Variants in PCYOX1 observed in about 807,000 individuals in gnomAD.
PCYOX1 encodes the protein prenylcysteine oxidase 1, also known as prenylcysteine lyase.
Under a neutral mutation model 46.4 loss-of-function variants are expected in PCYOX1, and 46 were observed. The ratio of observed to expected loss-of-function variants is 0.99; its 90% CI spans 0.78 to 1.27. The LOEUF is 1.27. PCYOX1 is among the 50% of genes most tolerant of loss of function. The pLI, the probability that PCYOX1 is intolerant of heterozygous loss-of-function variation, is 0.00. For missense variants in PCYOX1, 658 were observed against 628.3 expected (o/e 1.05, Z -0.51); for synonymous variants, 220 against 231.8 (o/e 0.95, Z 0.46).
rs946011071 is a variant in PCYOX1, at chr2:70,278,033, A to G, written c.*641A>G. On this transcript the variant is annotated 3_prime_UTR_variant, in exon 6 of 6. Transcript: ENST00000433351. Reference sequence around the variant, plus strand: ...ATACCGGTTTGAAGTACGTGTGCCCATGCCTAAAGCCTTGACTTTCAGAAT... The same window carrying G: ...ATACCGGTTTGAAGTACGTGTGCCCGTGCCTAAAGCCTTGACTTTCAGAAT... The G allele has an allele frequency of 6.6e-6, 1 of 152,206 alleles. No individual in the cohort carries two copies. The highest frequency in any genetic ancestry group is 2.4e-5 in the African/African-American group (1 of 41,464). 9.4% of individuals were successfully genotyped at this position (152,206 alleles called of 1,614,324 possible).
chr2:70,264,569 T>G (rs1025962462), intron 3 of PCYOX1, among the ~76,000 whole-genome samples: 4 of 151,462 alleles, frequency 2.6e-5, no homozygotes, highest in African/African-American at 9.7e-5. Flanking sequence ...TTAATTGATC[T>G]GCCCGCCTTG....
intron 3 of PCYOX1, among the ~76,000 whole-genome samples, chr2:70,261,840 AT>A (rs149904649): frequency 0.082 from 12,456 of 152,154 alleles, 530 homozygotes; most frequent in East Asian, 0.19. Context: ...GTGTATATGA[AT>A]TGAGATAATG....
intron 3 of PCYOX1, among the ~76,000 whole-genome samples, chr2:70,264,573 C>T (rs530535176): frequency 2.0e-5 from 3 of 151,624 alleles, no homozygotes; most frequent in South Asian, 2.1e-4. Context: ...TTGATCTGCC[C>T]GCCTTGGCCT....
At chr2:70,263,619 C>G (rs1573978042) in intron 3 of PCYOX1, among the ~76,000 whole-genome samples, 1 of 151,932 alleles carries the variant, frequency 6.6e-6, no homozygotes, top group East Asian at 1.9e-4. Context: ...AGATCAAGTT[C>G]TGATGGCATC....
rs768454215 is a variant in PCYOX1, at chr2:70,261,198, T to C, written c.320-14T>C. The C allele has an allele frequency of 2.5e-6, 4 of 1,588,202 alleles. No individual in the cohort carries two copies. In the Admixed American group the frequency reaches 5.1e-5, roughly 20 times the overall value. ...TAGACACCACTGACTTAGCTGTGCT[T>C]TATGTTTTTGCAGGTCTCTCTGCTG... On this transcript the variant is annotated splice_polypyrimidine_tract_variant and intron_variant, in intron 2 of 5. Coordinates refer to ENST00000433351, the MANE Select transcript of PCYOX1 (RefSeq NM_016297.4).
upstream of PCYOX1, chr2:70,258,115 G>C (rs776112254): frequency 1.1e-5 from 16 of 1,430,134 alleles, no homozygotes; most frequent in South Asian, 1.5e-4. Flanking sequence ...CCGCGCAGCG[G>C]TGGGAGGACT....
chr2:70,271,624 T>A (rs201173850), intron 3 of PCYOX1, among the ~76,000 whole-genome samples: 9,074 of 151,768 alleles, frequency 0.06, 163 homozygotes, highest in East Asian at 0.17. Context: ...TGCGCAGTAA[T>A]CTTGTCATTA....
At chr2:70,274,301 G>A (rs1573983110) in intron 3 of PCYOX1, among the ~76,000 whole-genome samples, 2 of 149,878 alleles carry the variant, frequency 1.3e-5, no homozygotes, top group South Asian at 4.2e-4. Flanking sequence ...GGGTTGAAGC[G>A]ATTCTCCTGC....
chr2:70,262,730 C>A (rs2104890171), intron 3 of PCYOX1, among the ~76,000 whole-genome samples: 1 of 152,168 alleles, frequency 6.6e-6, no homozygotes, highest in East Asian at 1.9e-4. Context: ...CCGCCTGCCT[C>A]AGCCTCCCAA....
intron 3 of PCYOX1, 137 bp from the exon 4 acceptor site, chr2:70,274,822 C>T: frequency 1.5e-6 from 1 of 651,868 alleles, no homozygotes; most frequent in Non-Finnish European, 2.8e-6. Context: ...CCTCTGCCTC[C>T]CAAAGTGTGG....
In PCYOX1 at chr2:70,267,915, A is replaced by G. The variant is rs111839591; in HGVS notation, c.494+6529A>G. ...CAGCCTCCGCCTCCTGGGTTCAAGC[A>G]GTTCTCTGCCTCAGCCTCCCGAGTA... On this transcript the variant is annotated intron_variant, in intron 3 of 5. Transcript: ENST00000433351. 5.8e-3 allele frequency among the ~76,000 whole-genome samples: 885 copies of G among 152,168 alleles called. 11 individuals carry two copies. The highest frequency in any genetic ancestry group is 0.02 in the African/African-American group (849 of 41,548).
At chr2:70,274,903 C>A in intron 3 of PCYOX1, 56 bp from the exon 4 acceptor site, 4 of 1,075,258 alleles carry the variant, frequency 3.7e-6, no homozygotes, top group Non-Finnish European at 5.8e-6. Context: ...CTTCTTTATA[C>A]ATCCCCTTCC....
intron 3 of PCYOX1, among the ~76,000 whole-genome samples, chr2:70,267,739 G>A (rs2104894255): frequency 6.6e-6 from 1 of 151,620 alleles, no homozygotes; most frequent in South Asian, 2.1e-4. Context: ...GATGGCAGCA[G>A]TACAGTCCAG....
Position 70,276,783 on chromosome 2 carries a change from T to C in PCYOX1, c.909T>C (p.Thr303=). Residue 303 remains threonine (T), a synonymous_variant, in exon 6 of 6, where the codon ACT becomes ACC. Coordinates refer to ENST00000433351, the MANE Select transcript of PCYOX1 (RefSeq NM_016297.4). The part of the protein sequence containing the change: ...YEVVYQIGTE[T]RSDFYDIVLV... ...TGGTCTACCAAATTGGAACTGAGAC[T>C]CGTTCAGACTTCTATGACATCGTCT... 1.2e-6 allele frequency: 2 copies of C among 1,609,742 alleles called. No individual in the cohort carries two copies. Among genetic ancestry groups the C allele is most frequent in the Non-Finnish European group, 1.7e-6 (2 of 1,177,806 alleles).
intron 3 of PCYOX1, among the ~76,000 whole-genome samples, chr2:70,272,753 C>G (rs1425378443): frequency 1.3e-5 from 2 of 151,984 alleles, no homozygotes; most frequent in African/African-American, 4.8e-5. Flanking sequence ...GGGTGTAGTG[C>G]AGTGGTGTGA....
intron 3 of PCYOX1, among the ~76,000 whole-genome samples, chr2:70,268,056 G>C (rs76185979): frequency 6.6e-6 from 1 of 151,896 alleles, no homozygotes; most frequent in South Asian, 2.1e-4. Context: ...TGATCCACCC[G>C]CCTCAGCCTC....
chr2:70,275,287 G>A, intron 4 of PCYOX1, 117 bp downstream of exon 4: 1 of 952,868 alleles, frequency 1.0e-6, no homozygotes, highest in Non-Finnish European at 1.6e-6. Flanking sequence ...GTGAACCTCA[G>A]ACATTGTTAG....
chr2:70,261,183 T>A, intron 2 of PCYOX1, 29 bp from the exon 3 acceptor site: 1 of 1,541,160 alleles, frequency 6.5e-7, no homozygotes, highest in East Asian at 2.2e-5. Context: ...TAGACACCAC[T>A]GACTTAGCTG....
At chr2:70,272,851 C>A (rs1696620348) in intron 3 of PCYOX1, among the ~76,000 whole-genome samples, 1 of 152,004 alleles carries the variant, frequency 6.6e-6, no homozygotes, top group Admixed American at 6.6e-5. Context: ...GCATGCACCA[C>A]CACACCTGGA....
Sources: allele counts gnomAD v4.1 joint callset (sites outside exome capture counted in the v4.1 genomes callset), GRCh38; gene constraint gnomAD v4.1.1; transcripts MANE v1.5; gene names NCBI Gene and HGNC (gene_info 2026-07-23, HGNC 2026-07-21).